SCHIP1: variants seen among roughly 807,000 people sequenced by gnomAD.
The protein encoded by SCHIP1 is schwannomin interacting protein 1, also known as schwannomin-interacting protein 1.
In SCHIP1, 8 loss-of-function variants were observed where a neutral mutation model predicts 29.7. That is an observed-to-expected ratio of 0.27 (90% CI 0.16 to 0.49). The LOEUF is 0.49. Among genes scored for constraint, SCHIP1 ranks in the 20% least tolerant of loss-of-function variants. The pLI is 0.99. For missense variants in SCHIP1, 193 were observed against 294.6 expected, an observed-to-expected ratio of 0.66 and a Z score of 2.52; for synonymous variants, 76 against 94.9, an observed-to-expected ratio of 0.80 and a Z score of 1.16.
the SCHIP1 span, among the ~76,000 whole-genome samples, chr3:159,450,836 T>G: frequency 2.9e-5 from 4 of 139,982 alleles, no homozygotes; most frequent in Admixed American, 7.8e-5. Context: ...TGAGACAGAG[T>G]CTCGCTCTGT....
At chr3:159,460,247 T>A in the SCHIP1 span, among the ~76,000 whole-genome samples, 1 of 152,196 alleles carries the variant, frequency 6.6e-6, no homozygotes, top group Non-Finnish European at 1.5e-5. Context: ...GCTTAGGGAA[T>A]GCAATTTGTG....
chr3:159,316,403 C>T, the SCHIP1 span, among the ~76,000 whole-genome samples: 142 of 152,242 alleles, frequency 9.3e-4, no homozygotes, highest in African/African-American at 3.3e-3. Flanking sequence ...TCACATTTTT[C>T]CGCCTGCTTA....
At chr3:159,437,468 A>G in the SCHIP1 span, among the ~76,000 whole-genome samples, 5 of 152,102 alleles carry the variant, frequency 3.3e-5, no homozygotes, top group East Asian at 9.7e-4. Flanking sequence ...AGTTACAGAT[A>G]TTTATTTCAT....
the SCHIP1 span, among the ~76,000 whole-genome samples, chr3:159,342,798 T>G: frequency 6.6e-6 from 1 of 152,212 alleles, no homozygotes; most frequent in Non-Finnish European, 1.5e-5. Context: ...AGTTATTACT[T>G]CTTTTAGTCT....
chr3:159,303,719 A>T, the SCHIP1 span, among the ~76,000 whole-genome samples: 1 of 152,160 alleles, frequency 6.6e-6, no homozygotes, highest in Non-Finnish European at 1.5e-5. Context: ...CCTGAGCAGT[A>T]GGAGGGAGTT....
the SCHIP1 span, among the ~76,000 whole-genome samples, chr3:159,685,570 C>T: frequency 1.3e-5 from 2 of 152,152 alleles, no homozygotes; most frequent in South Asian, 4.1e-4. Context: ...ATCTCTACAA[C>T]CCTTATAAGA....
the SCHIP1 span, among the ~76,000 whole-genome samples, chr3:159,373,641 G>A: frequency 6.6e-6 from 1 of 151,988 alleles, no homozygotes; most frequent in Non-Finnish European, 1.5e-5. Flanking sequence ...GTTTCTACAT[G>A]TAAATGAGAA....
chr3:159,742,494 A>G, the SCHIP1 span, among the ~76,000 whole-genome samples: 1 of 152,116 alleles, frequency 6.6e-6, no homozygotes, highest in East Asian at 1.9e-4. Flanking sequence ...AAGTGTTAGG[A>G]ACTCACTTAT....
At chr3:159,791,699 C>A in the SCHIP1 span, among the ~76,000 whole-genome samples, 1 of 152,184 alleles carries the variant, frequency 6.6e-6, no homozygotes, top group Non-Finnish European at 1.5e-5. Context: ...AGCAGAAGCC[C>A]GTGGCTTCCT....
At chr3:159,467,091 CTA>C in the SCHIP1 span, among the ~76,000 whole-genome samples, 1 of 152,076 alleles carries the variant, frequency 6.6e-6, no homozygotes, top group Non-Finnish European at 1.5e-5. Flanking sequence ...TTCTGTACCT[CTA>C]TCTCTGTGTG....
the SCHIP1 span, among the ~76,000 whole-genome samples, chr3:159,828,408 CGT>C: frequency 5.6e-3 from 184 of 32,946 alleles, 12 homozygotes; most frequent in Non-Finnish European, 5.7e-3. Context: ...TATATATATA[CGT>C]ATATATACGT....
the SCHIP1 span, among the ~76,000 whole-genome samples, chr3:159,306,832 C>A: frequency 6.6e-6 from 1 of 152,110 alleles, no homozygotes; most frequent in African/African-American, 2.4e-5. Context: ...ATAAAAAGTG[C>A]TGAAACAATG....
At chr3:159,796,573 C>T in the SCHIP1 span, among the ~76,000 whole-genome samples, 1 of 152,126 alleles carries the variant, frequency 6.6e-6, no homozygotes, top group Non-Finnish European at 1.5e-5. Flanking sequence ...AGGGAGAAAG[C>T]CATCTGCTTA....
At chr3:159,625,458 A>G in the SCHIP1 span, among the ~76,000 whole-genome samples, 1 of 152,174 alleles carries the variant, frequency 6.6e-6, no homozygotes, top group Non-Finnish European at 1.5e-5. Flanking sequence ...GTACCTCAAG[A>G]GCCCAAAGTA....
the SCHIP1 span, among the ~76,000 whole-genome samples, chr3:159,754,589 A>G: frequency 6.6e-6 from 1 of 152,210 alleles, no homozygotes. Flanking sequence ...ACTTGCTCCT[A>G]AAAGTTTGTG....
chr3:159,446,977 A>T, the SCHIP1 span, among the ~76,000 whole-genome samples: 1 of 152,216 alleles, frequency 6.6e-6, no homozygotes, highest in South Asian at 2.1e-4. Context: ...ATGTGGCAAA[A>T]TGGGAAACTG....
the SCHIP1 span, among the ~76,000 whole-genome samples, chr3:159,564,722 G>A: frequency 6.6e-5 from 10 of 152,190 alleles, no homozygotes; most frequent in African/African-American, 1.7e-4. Context: ...CCTGTACAGC[G>A]TATACTCTTT....
At chr3:159,717,843 C>T in the SCHIP1 span, among the ~76,000 whole-genome samples, 1 of 152,096 alleles carries the variant, frequency 6.6e-6, no homozygotes, top group African/African-American at 2.4e-5. Context: ...CTATTCCAAT[C>T]AATAGAAAAA....
chr3:159,895,343 A>C (rs1156796945), intron 6 of SCHIP1, among the ~76,000 whole-genome samples: 1 of 152,172 alleles, frequency 6.6e-6, no homozygotes, highest in African/African-American at 2.4e-5. Flanking sequence ...CTGATATGAC[A>C]CATTCTGCAT....
Sources: allele counts gnomAD v4.1 joint callset (sites outside exome capture counted in the v4.1 genomes callset), GRCh38; gene constraint gnomAD v4.1.1; transcripts MANE v1.5; gene names NCBI Gene and HGNC (gene_info 2026-07-23, HGNC 2026-07-21).